Variants in GRIK1 observed in about 807,000 individuals in gnomAD.
GRIK1 encodes the protein glutamate ionotropic receptor kainate type subunit 1, also known as glutamate receptor ionotropic, kainate 1.
A neutral mutation model predicts 105.7 loss-of-function variants in GRIK1; 69 were observed. The observed-to-expected ratio is 0.65, with a 90% CI of 0.54 to 0.80. GRIK1 has a LOEUF of 0.80. Among genes scored for constraint, GRIK1 ranks in the 30% least tolerant of loss-of-function variants. The pLI is 0.00. For synonymous variants in GRIK1, 438 were observed against 431.3 expected, an observed-to-expected ratio of 1.02 and a Z score of -0.19; for missense variants, 1,109 against 1,167.3, an observed-to-expected ratio of 0.95 and a Z score of 0.73.
At chr21:29,784,727 T>C (rs1333184312) in intron 1 of GRIK1, among the ~76,000 whole-genome samples, 1 of 152,236 alleles carries the variant, frequency 6.6e-6, no homozygotes, top group Non-Finnish European at 1.5e-5. Flanking sequence ...TCAAATGGAT[T>C]ATTTCTAATA....
At chr21:29,863,675 A>G (rs468762) in intron 1 of GRIK1, among the ~76,000 whole-genome samples, 50,980 of 151,962 alleles carry the variant, frequency 0.34, 9,566 homozygotes, top group African/African-American at 0.5. Flanking sequence ...GTTTTATCAC[A>G]ATTTTTAAAA....
In GRIK1 at chr21:29,673,827, T is replaced by A. The variant is rs1266365013; in HGVS notation, c.545-663A>T. 3.3e-5 allele frequency among the ~76,000 whole-genome samples: 5 copies of A among 152,166 alleles called. No individual in the cohort carries two copies. In the East Asian group the frequency reaches 9.6e-4, roughly 29 times the overall value. The stretch of plus-strand genomic sequence containing the variant: ...AGCAGAAACAGAATTTAAAAAAAAA[T>A]TCCCTATTGGTTATTGCAACAAAAC... On this transcript the variant is annotated intron_variant, in intron 3 of 17. Transcript: ENST00000327783.
intron 4 of GRIK1, among the ~76,000 whole-genome samples, chr21:29,669,211 C>T (rs890603592): frequency 3.9e-5 from 6 of 152,154 alleles, no homozygotes; most frequent in Non-Finnish European, 8.8e-5. Flanking sequence ...TAACTATAGA[C>T]TTTTCCCCAA....
At chr21:29,893,825 G>T (rs539149265) in intron 1 of GRIK1, among the ~76,000 whole-genome samples, 2 of 152,294 alleles carry the variant, frequency 1.3e-5, no homozygotes, top group African/African-American at 4.8e-5. Context: ...CTCTCCTAGA[G>T]CTCAAAGAGG....
At chr21:29,714,706 G>A (rs1355485546) in intron 1 of GRIK1, among the ~76,000 whole-genome samples, 1 of 152,182 alleles carries the variant, frequency 6.6e-6, no homozygotes, top group African/African-American at 2.4e-5. Flanking sequence ...AAGGGCTGGG[G>A]AAAGGATTCC....
At chr21:29,888,486 A>T (rs1360971740) in intron 1 of GRIK1, among the ~76,000 whole-genome samples, 1 of 151,440 alleles carries the variant, frequency 6.6e-6, no homozygotes, top group Non-Finnish European at 1.5e-5. Flanking sequence ...GGCTGTTCTC[A>T]AACTCCTAGG....
chr21:29,790,636 A>C (rs1176890854), intron 1 of GRIK1, among the ~76,000 whole-genome samples: 1 of 151,782 alleles, frequency 6.6e-6, no homozygotes, highest in African/African-American at 2.4e-5. Flanking sequence ...TATTTTTTGT[A>C]GAGATGAGGT....
chr21:29,779,494 G>GGT (rs3054349), intron 1 of GRIK1, among the ~76,000 whole-genome samples: 12,764 of 148,060 alleles, frequency 0.086, 759 homozygotes, highest in East Asian at 0.17. Context: ...GCCCTTTTAT[G>GGT]GTGTGTGTGT....
chr21:29,892,824 A>G (rs772474105), intron 1 of GRIK1, among the ~76,000 whole-genome samples: 3 of 152,232 alleles, frequency 2.0e-5, no homozygotes, highest in Non-Finnish European at 2.9e-5. Flanking sequence ...TGTGAACTCC[A>G]GCAAAGTATT....
intron 14 of GRIK1, among the ~76,000 whole-genome samples, chr21:29,574,237 C>CTG (rs1227998854): frequency 2.0e-5 from 3 of 152,244 alleles, no homozygotes; most frequent in Middle Eastern, 3.2e-3. Flanking sequence ...GATCCACAGC[C>CTG]TGTGCATAGA....
At chr21:29,709,204 C>A (rs1169310492) in intron 1 of GRIK1, among the ~76,000 whole-genome samples, 1 of 151,498 alleles carries the variant, frequency 6.6e-6, no homozygotes, top group Non-Finnish European at 1.5e-5. Context: ...AGTAGCATCA[C>A]ATTGTGTTAA....
intron 1 of GRIK1, among the ~76,000 whole-genome samples, chr21:29,728,291 A>T (rs112049347): frequency 2.6e-5 from 4 of 152,298 alleles, no homozygotes; most frequent in African/African-American, 9.6e-5. Context: ...CATGTGCAGG[A>T]TGGATTCAAT....
chr21:29,828,005 CTCTCTCTGTGTG>C (rs751328470), intron 1 of GRIK1, among the ~76,000 whole-genome samples: 7 of 75,362 alleles, frequency 9.3e-5, no homozygotes, highest in Non-Finnish European at 2.4e-4. Flanking sequence ...CTCTCTCTGT[CTCTCTCTGTGTG>C]TGTGTGTGTG....
At chr21:29,612,072 T>A (rs1166822706) in intron 7 of GRIK1, among the ~76,000 whole-genome samples, 1 of 152,236 alleles carries the variant, frequency 6.6e-6, no homozygotes, top group Non-Finnish European at 1.5e-5. Context: ...ATGGGCTGTC[T>A]GCAGGAGTAG....
intron 7 of GRIK1, among the ~76,000 whole-genome samples, chr21:29,637,778 A>G (rs1168039722): frequency 6.6e-6 from 1 of 152,160 alleles, no homozygotes; most frequent in Non-Finnish European, 1.5e-5. Context: ...CAGCAGCCCA[A>G]ACGAACCAAG....
intron 1 of GRIK1, among the ~76,000 whole-genome samples, chr21:29,857,559 A>G (rs1026472567): frequency 2.6e-5 from 4 of 152,332 alleles, no homozygotes; most frequent in African/African-American, 9.6e-5. Flanking sequence ...TTTGGCAGGC[A>G]TTTTTGAGAA....
At chr21:29,564,363 G>A (rs916658911) in intron 14 of GRIK1, among the ~76,000 whole-genome samples, 2 of 152,070 alleles carry the variant, frequency 1.3e-5, no homozygotes, top group African/African-American at 4.8e-5. Context: ...TAGCCGGGAT[G>A]GTCTCGATCT....
At chr21:29,838,853 A>G (rs1391886136) in intron 1 of GRIK1, among the ~76,000 whole-genome samples, 1 of 152,202 alleles carries the variant, frequency 6.6e-6, no homozygotes, top group Non-Finnish European at 1.5e-5. Context: ...TCTTTGTCAC[A>G]AGTTACTAAC....
At chr21:29,735,975 A>G (rs1206298252) in intron 1 of GRIK1, among the ~76,000 whole-genome samples, 5 of 152,338 alleles carry the variant, frequency 3.3e-5, no homozygotes, top group Middle Eastern at 6.8e-3. Flanking sequence ...AGTGAAATAT[A>G]AAAAGAAATC....
Sources: allele counts gnomAD v4.1 joint callset (sites outside exome capture counted in the v4.1 genomes callset), GRCh38; gene constraint gnomAD v4.1.1; transcripts MANE v1.5; gene names NCBI Gene and HGNC (gene_info 2026-07-23, HGNC 2026-07-21).